PRR36: variants seen among roughly 807,000 people sequenced by gnomAD.
PRR36 encodes proline-rich protein 36.
Under a neutral mutation model 58.6 loss-of-function variants are expected in PRR36, and 30 were observed. The ratio of observed to expected loss-of-function variants is 0.51; its 90% CI spans 0.38 to 0.69. The LOEUF is 0.69. Among genes scored for constraint, PRR36 ranks in the 30% least tolerant of loss-of-function variants. PRR36 has a pLI of 0.00. For synonymous variants in PRR36, 771 were observed against 829.3 expected, an observed-to-expected ratio of 0.93 and a Z score of 1.21; for missense variants, 1,692 against 1,805.6, an observed-to-expected ratio of 0.94 and a Z score of 1.14.
chr19:7,872,873 C>A lies in PRR36; in HGVS notation c.463G>T (p.Ala155Ser), dbSNP rs1380273320. 4.6e-6 allele frequency: 7 copies of A among 1,535,946 alleles called. No individual in the cohort carries two copies. In the Admixed American group the frequency reaches 1.2e-4, roughly 26 times the overall value. Residue 155 changes from alanine (A) to serine (S), a missense_variant, in exon 4 of 6, where the codon GCC (alanine) becomes TCC (serine). By Grantham distance (99) the Ala-to-Ser change is moderately conservative. Coordinates refer to ENST00000618550, the MANE Select transcript of PRR36 (RefSeq NM_001190467.2). This position sits in a 1 kb window ranked among gnomAD's most constrained non-coding sequence, Gnocchi z 6.1. Reference protein sequence around the residue: ...GKATEAPKRSALSAGARRDTS... With the variant: ...GKATEAPKRSSLSAGARRDTS... ...CCTCTCCGTGCCCCAGCGCTGAGGG[C>A]ACTCCTTTTGGGAGCCTCTGTAGCT...
At position 7,869,110 on chromosome 19, in the gene PRR36, C is replaced by T. The variant is rs568374009; in HGVS notation, c.3964G>A (p.Val1322Ile). Residue 1322 changes from valine (V) to isoleucine (I), a missense_variant, in exon 6 of 6, where the codon GTC becomes ATC. Around this residue, in one of 5 missense-constraint regions of PRR36, gnomAD observed 485 missense variants for 549.2 expected, o/e 0.88. Coordinates refer to ENST00000618550, the MANE Select transcript of PRR36 (RefSeq NM_001190467.2). The stretch of plus-strand genomic sequence containing the variant: ...ACGTCGTCCGGAGAGAAGCTGGTGA[C>T]CGAGGTGATGCTGGCACGGGACTCG... Reference protein sequence around the residue: ...LDESRASITSVTSFSPDDVAS... With the variant: ...LDESRASITSITSFSPDDVAS... The T allele has an allele frequency of 1.4e-5, 21 of 1,534,924 alleles. 1 individual carries two copies. The South Asian group carries it at 2.3e-4, about 17-fold the overall frequency.
chr19:7,872,385 G>C lies in PRR36; in HGVS notation c.859C>G (p.Pro287Ala). The change falls in exon 5 of 6, where the codon CCC (proline) becomes GCC (alanine). Residue 287 changes from proline to alanine, a missense_variant. This residue lies in a region of PRR36 where 975 missense variants were observed against 955.2 expected (regional missense o/e 1.02). Coordinates refer to ENST00000618550, the MANE Select transcript of PRR36 (RefSeq NM_001190467.2). The surrounding 1 kb of genome is among the most constrained non-coding windows in gnomAD (Gnocchi z 6.1). ...LQALRPPQVT[P>A]PRKDAAPALG... The stretch of plus-strand genomic sequence containing the variant: ...GCTGGGGCTGCGTCCTTCCTTGGGG[G>C]TGTGACCTGAGGGGGTCGCAGAGCC... The C allele has an allele frequency of 6.9e-7, 1 of 1,451,332 alleles. No homozygotes were observed. Among genetic ancestry groups the C allele is most frequent in the Non-Finnish European group, 9.0e-7 (1 of 1,108,038 alleles). The allele number at this position is 1,451,332 out of a possible 1,614,324, so 89.9% of individuals were successfully genotyped here.
At position 7,873,589 on chromosome 19, in the gene PRR36, C is replaced by T. The variant is rs984499479; in HGVS notation, c.101G>A (p.Arg34Gln). The T allele has an allele frequency of 6.5e-6, 10 of 1,534,834 alleles. No individual in the cohort carries two copies. Among genetic ancestry groups the T allele is most frequent in the Non-Finnish European group, 8.7e-6 (10 of 1,146,646 alleles). The change falls in exon 2 of 6, where the codon CGA becomes CAA. Residue 34 changes from arginine (R) to glutamine (Q), a missense_variant. Arg to Gln is a conservative substitution (Grantham distance 43). Transcript: ENST00000618550. This position sits in a 1 kb window ranked among gnomAD's most constrained non-coding sequence, Gnocchi z 5.0. ...LLTPRPPGSPRPPPPVTPAAL... is the reference protein window; with the variant it reads ...LLTPRPPGSPQPPPPVTPAAL... ...TGCGGGAGTTACTGGGGGAGGGGGT[C>T]GAGGAGAGCCTGGGGGCCTGGGGGT...
Position 7,869,135 on chromosome 19 carries a change from G to C in PRR36, c.3939C>G (p.Asp1313Glu). Residue 1313 changes from aspartate (D) to glutamate (E), a missense_variant, in exon 6 of 6, where the codon GAC becomes GAG. Physicochemically the swap from Asp to Glu is conservative, Grantham distance 45. Coordinates refer to ENST00000618550, the MANE Select transcript of PRR36 (RefSeq NM_001190467.2). ...CCGAGGTGATGCTGGCACGGGACTC[G>C]TCCAGGGGAGACAGTAGTTCGGCCC... ...GRWAELLSPL[D>E]ESRASITSVT... 6.5e-7 allele frequency: 1 copy of C among 1,535,424 alleles called. No homozygotes were observed.
At position 7,873,175 on chromosome 19, in the gene PRR36, TGG is replaced by T. The variant is rs1568253285; in HGVS notation, c.374+20_374+21del. ...TGACGCTAACCCTGGCTTAGGAGAC[TGG>T]GGGAGAGGGAGCAGGTTACCTGGTG... On this transcript the variant is annotated intron_variant, in intron 3 of 5. Transcript: ENST00000618550. The surrounding 1 kb of genome is among the most constrained non-coding windows in gnomAD (Gnocchi z 5.0). 1 of 1,531,420 alleles carries T rather than the reference TGG, an allele frequency of 6.5e-7. No homozygotes were observed. Among genetic ancestry groups the T allele is most frequent in the Non-Finnish European group, 8.8e-7 (1 of 1,142,652 alleles). The allele number at this position is 1,531,420 out of a possible 1,614,324, so 94.9% of individuals were successfully genotyped here. A position where few individuals can be genotyped will look rare whatever the true frequency, so the allele number is the denominator to read the frequency against.
In PRR36 at chr19:7,869,082, G is replaced by T; in HGVS notation, c.3992C>A (p.Ala1331Asp). 6.5e-7 allele frequency: 1 copy of T among 1,534,316 alleles called. No homozygotes were observed. Among genetic ancestry groups the T allele is most frequent in the Non-Finnish European group, 8.7e-7 (1 of 1,146,248 alleles). ...SVTSFSPDDV[A>D]SPQGDWTVVE... ...CACGGTCCAGTCACCCTGCGGGGAG[G>T]CCACGTCGTCCGGAGAGAAGCTGGT... The change falls in exon 6 of 6, where the codon GCC becomes GAC. Residue 1331 changes from alanine to aspartate, a missense_variant. By Grantham distance (126) the Ala-to-Asp change is moderately radical (BLOSUM62 -2). This residue lies in a region of PRR36 where 485 missense variants were observed against 549.2 expected (regional missense o/e 0.88). Transcript: ENST00000618550.
Position 7,869,058 on chromosome 19 carries a change from A to G in PRR36, c.4016T>C (p.Val1339Ala). ...DVASPQGDWT[V>A]VEVETFH Reference sequence around the variant, plus strand: ...TCAGTGGAAGGTCTCCACCTCCACCACGGTCCAGTCACCCTGCGGGGAGGC... The same window carrying G: ...TCAGTGGAAGGTCTCCACCTCCACCGCGGTCCAGTCACCCTGCGGGGAGGC... Residue 1339 changes from valine to alanine, a missense_variant, in exon 6 of 6, where the codon GTG becomes GCG. Physicochemically the swap from Val to Ala is moderately conservative, Grantham distance 64. Around this residue, in one of 5 missense-constraint regions of PRR36, gnomAD observed 485 missense variants for 549.2 expected, o/e 0.88. Transcript: ENST00000618550. 2 of 1,531,870 alleles carry G rather than the reference A, an allele frequency of 1.3e-6. No individual in the cohort carries two copies. Among genetic ancestry groups the G allele is most frequent in the Non-Finnish European group, 1.7e-6 (2 of 1,145,038 alleles). 94.9% of individuals were successfully genotyped at this position (1,531,870 alleles called of 1,614,324 possible).
In PRR36 at chr19:7,871,706, T is replaced by C. The variant is rs934693605; in HGVS notation, c.1538A>G (p.His513Arg). The C allele has an allele frequency of 1.3e-5, 20 of 1,530,962 alleles. No homozygotes were observed. The Admixed American group carries it at 3.6e-4, about 27-fold the overall frequency. The allele number at this position is 1,530,962 out of a possible 1,614,324, so 94.8% of individuals were successfully genotyped here. A position where few individuals can be genotyped will look rare whatever the true frequency, so the allele number is the denominator to read the frequency against. The change falls in exon 5 of 6, where the codon CAC becomes CGC. Residue 513 changes from histidine (H) to arginine (R), a missense_variant. Transcript: ENST00000618550. The stretch of plus-strand genomic sequence containing the variant: ...CTGCAGAGGAAGAGTGGCCAGAGTG[T>C]GGGGCGTGGCCTGGAGAGAGGGCGG... ...PSPPSLQATP[H>R]TLATLPLQDS...
rs1233818371 is a variant in PRR36 at position 7,870,535 on chromosome 19, G to T, written c.2709C>A (p.Ala903=). The T allele has an allele frequency of 1.6e-6, 1 of 640,732 alleles. No homozygotes were observed. The highest frequency in any genetic ancestry group is 5.9e-5 in the Admixed American group (1 of 16,976). 39.7% of individuals were successfully genotyped at this position (640,732 alleles called of 1,614,324 possible). A position where few individuals can be genotyped will look rare whatever the true frequency, so the allele number is the denominator to read the frequency against. ...PPVQAPFSPP[A]SPPVSPSATP... ...TGGCCGAAGGAGACACTGGGGGTGA[G>T]GCAGGGGGAGAGAAAGGGGCCTGCA... Residue 903 remains alanine, a synonymous_variant, in exon 5 of 6, where the codon GCC becomes GCA. Transcript: ENST00000618550.
chr19:7,869,230 C>T lies in PRR36; in HGVS notation c.3844G>A (p.Gly1282Arg), dbSNP rs1980251405. 1 of 1,501,456 alleles carries T rather than the reference C, an allele frequency of 6.7e-7. No homozygotes were observed. Among genetic ancestry groups the T allele is most frequent in the Non-Finnish European group, 8.8e-7 (1 of 1,132,358 alleles). The allele number at this position is 1,501,456 out of a possible 1,614,324, so 93.0% of individuals were successfully genotyped here. ...GAAGGSGGGP[G>R]GAEGGGVTGG... ...GTGACGCCACCACCCTCCGCACCTCCTGGGCCCCCGCCGCTGCCGCCCGCG... is the reference window on the plus strand; with the variant it reads ...GTGACGCCACCACCCTCCGCACCTCTTGGGCCCCCGCCGCTGCCGCCCGCG... The change falls in exon 6 of 6, where the codon GGA (glycine) becomes AGA (arginine). Residue 1282 changes from glycine to arginine, a missense_variant. Gly to Arg is a moderately radical substitution (Grantham distance 125). This residue lies in a region of PRR36 where 485 missense variants were observed against 549.2 expected (regional missense o/e 0.88). Transcript: ENST00000618550.
chr19:7,873,844 A>C lies in PRR36; in HGVS notation c.-7-148T>G. On this transcript the variant is annotated intron_variant, in intron 1 of 5. Coordinates refer to ENST00000618550, the MANE Select transcript of PRR36 (RefSeq NM_001190467.2). The surrounding 1 kb of genome is among the most constrained non-coding windows in gnomAD (Gnocchi z 5.0). ...CTCGGCTTCCATCCGCTCGGCTCCC[A>C]CGCACCTACACCCACTCGCCAGCCC... 7.8e-6 allele frequency: 5 copies of C among 643,416 alleles called. No homozygotes were observed. Among genetic ancestry groups the C allele is most frequent in the South Asian group, 6.5e-5 (3 of 46,186 alleles). The allele number at this position is 643,416 out of a possible 1,614,324, so 39.9% of individuals were successfully genotyped here.
In PRR36 at chr19:7,872,561, G is replaced by C; in HGVS notation, c.683C>G (p.Pro228Arg). ...CCTCTGGAGACCCCCACCGGCGCTG[G>C]GCCGCCTCCTGGCAGCCGGGCTTGG... ...TEPSPAARRR[P>R]SAGGGLQRPA... Residue 228 changes from proline (P) to arginine (R), a missense_variant, in exon 5 of 6, where the codon CCC (proline) becomes CGC (arginine). Coordinates refer to ENST00000618550, the MANE Select transcript of PRR36 (RefSeq NM_001190467.2). This position sits in a 1 kb window ranked among gnomAD's most constrained non-coding sequence, Gnocchi z 6.1. The C allele has an allele frequency of 6.6e-7, 1 of 1,523,954 alleles. No homozygotes were observed. The highest frequency in any genetic ancestry group is 2.5e-5 in the East Asian group (1 of 40,048). 94.4% of individuals were successfully genotyped at this position (1,523,954 alleles called of 1,614,324 possible).
rs559517732 is a variant in PRR36, at chr19:7,872,399, G to A, written c.845C>T (p.Pro282Leu). 5.6e-4 allele frequency: 812 copies of A among 1,449,516 alleles called. 2 individuals carry two copies. The African/African-American group carries it at 0.011, about 19-fold the overall frequency. The allele number at this position is 1,449,516 out of a possible 1,614,324, so 89.8% of individuals were successfully genotyped here. The change falls in exon 5 of 6, where the codon CCC becomes CTC. Residue 282 changes from proline to leucine, a missense_variant. By Grantham distance (98) the Pro-to-Leu change is moderately conservative. Coordinates refer to ENST00000618550, the MANE Select transcript of PRR36 (RefSeq NM_001190467.2). This position sits in a 1 kb window ranked among gnomAD's most constrained non-coding sequence, Gnocchi z 6.1. The part of the protein sequence containing the change: ...PKPKGLQALR[P>L]PQVTPPRKDA... ...CTTCCTTGGGGGTGTGACCTGAGGG[G>A]GTCGCAGAGCCTGCAGTCCTTTCGG... is the stretch of plus-strand genomic sequence containing the variant.
At position 7,871,962 on chromosome 19, in the gene PRR36, A is replaced by G. The variant is rs1194902545; in HGVS notation, c.1282T>C (p.Ser428Pro). ...AFVASVSPSV[S>P]SPLQSMPPTQ... ...GGGGGCATACTCTGCAGAGGGGATG[A>G]AACTGATGGAGAGACTGAAGCCACA... The change falls in exon 5 of 6, where the codon TCA (serine) becomes CCA (proline). Residue 428 changes from serine (S) to proline (P), a missense_variant. This residue lies in a region of PRR36 where 975 missense variants were observed against 955.2 expected (regional missense o/e 1.02). Transcript: ENST00000618550. The G allele has an allele frequency of 6.5e-7, 1 of 1,535,628 alleles. No individual in the cohort carries two copies. The highest frequency in any genetic ancestry group is 2.4e-5 in the East Asian group (1 of 40,924).
Position 7,873,753 on chromosome 19 carries a change from G to C in PRR36, c.-7-57C>G. On this transcript the variant is annotated intron_variant, in intron 1 of 5. Coordinates refer to ENST00000618550, the MANE Select transcript of PRR36 (RefSeq NM_001190467.2). This position sits in a 1 kb window ranked among gnomAD's most constrained non-coding sequence, Gnocchi z 5.0. ...TCTGGACAGCTACGCCGCCTCCAGA[G>C]ACCTGGACCCTGCTACCTCACTGCC... 6.8e-7 allele frequency: 1 copy of C among 1,466,620 alleles called. No homozygotes were observed. Among genetic ancestry groups the C allele is most frequent in the South Asian group, 1.3e-5 (1 of 78,370 alleles). The allele number at this position is 1,466,620 out of a possible 1,614,324, so 90.9% of individuals were successfully genotyped here. A position where few individuals can be genotyped will look rare whatever the true frequency, so the allele number is the denominator to read the frequency against.
At position 7,872,211 on chromosome 19, in the gene PRR36, G is replaced by A; in HGVS notation, c.1033C>T (p.Leu345Phe). The change falls in exon 5 of 6, where the codon CTC (leucine) becomes TTC (phenylalanine). Residue 345 changes from leucine to phenylalanine, a missense_variant. Coordinates refer to ENST00000618550, the MANE Select transcript of PRR36 (RefSeq NM_001190467.2). This position sits in a 1 kb window ranked among gnomAD's most constrained non-coding sequence, Gnocchi z 6.1. The stretch of plus-strand genomic sequence containing the variant: ...AGGGTGGGCGGGGCCTGACTTTGGA[G>A]AGCGGCTGGCGGAGGGGGCGTTACC... Reference protein sequence around the residue: ...PPVTPPPPAALQSQAPPTLPA... With the variant: ...PPVTPPPPAAFQSQAPPTLPA... The A allele has an allele frequency of 6.9e-7, 1 of 1,459,008 alleles. No homozygotes were observed. The highest frequency in any genetic ancestry group is 9.0e-7 in the Non-Finnish European group (1 of 1,110,134). 90.4% of individuals were successfully genotyped at this position (1,459,008 alleles called of 1,614,324 possible). A position where few individuals can be genotyped will look rare whatever the true frequency, so the allele number is the denominator to read the frequency against.
chr19:7,870,002 G>A lies in PRR36; in HGVS notation c.3242C>T (p.Pro1081Leu), dbSNP rs1190142199. ...SPTLQAPRRP[P>L]TPGPDTSVSG... ...GACGGAGGTATCCGGACCCGGGGTC[G>A]GGGGGCGGCGTGGGGCCTGCAGGGT... Residue 1081 changes from proline (P) to leucine (L), a missense_variant, in exon 5 of 6, where the codon CCG (proline) becomes CTG (leucine). Physicochemically the swap from Pro to Leu is moderately conservative, Grantham distance 98. This residue lies in a region of PRR36 where 485 missense variants were observed against 549.2 expected (regional missense o/e 0.88). Transcript: ENST00000618550. 1 of 1,405,662 alleles carries A rather than the reference G, an allele frequency of 7.1e-7. No homozygotes were observed. Among genetic ancestry groups the A allele is most frequent in the East Asian group, 2.9e-5 (1 of 34,460 alleles). The allele number at this position is 1,405,662 out of a possible 1,614,324, so 87.1% of individuals were successfully genotyped here. A position where few individuals can be genotyped will look rare whatever the true frequency, so the allele number is the denominator to read the frequency against.
In PRR36 at chr19:7,870,711, G is replaced by C; in HGVS notation, c.2533C>G (p.Pro845Ala). The C allele has an allele frequency of 7.2e-7, 1 of 1,383,662 alleles. No individual in the cohort carries two copies. Among genetic ancestry groups the C allele is most frequent in the Non-Finnish European group, 9.3e-7 (1 of 1,070,906 alleles). The allele number at this position is 1,383,662 out of a possible 1,614,324, so 85.7% of individuals were successfully genotyped here. The change falls in exon 5 of 6, where the codon CCT becomes GCT. Residue 845 changes from proline to alanine, a missense_variant. Pro to Ala is a conservative substitution (Grantham distance 27). Around this residue, in one of 5 missense-constraint regions of PRR36, gnomAD observed 171 missense variants for 146.2 expected, o/e 1.17. Coordinates refer to ENST00000618550, the MANE Select transcript of PRR36 (RefSeq NM_001190467.2). ...TGCAGAGGAGGCAAGGCCAGGGCAGGTGGGGCCTGTGGAGGGGGCGTGGCC... is the reference window on the plus strand; with the variant it reads ...TGCAGAGGAGGCAAGGCCAGGGCAGCTGGGGCCTGTGGAGGGGGCGTGGCC... The part of the protein sequence containing the change: ...PLATPPPQAP[P>A]ALALPPLQAP...
chr19:7,869,468 C>A lies in PRR36; in HGVS notation c.3606G>T (p.Gly1202=). The change falls in exon 6 of 6, where the codon GGG becomes GGT. Residue 1202 remains glycine (G), a synonymous_variant. Coordinates refer to ENST00000618550, the MANE Select transcript of PRR36 (RefSeq NM_001190467.2). ...CAGGGGCGGGGGTCGCCGACTCGGGCCCTTCAGTCTCGTAGATGGTGCACA... is the reference window on the plus strand; with the variant it reads ...CAGGGGCGGGGGTCGCCGACTCGGGACCTTCAGTCTCGTAGATGGTGCACA... The part of the protein sequence containing the change: ...DGLCTIYETE[G]PESATPAPGA... 2 of 1,505,702 alleles carry A rather than the reference C, an allele frequency of 1.3e-6. No individual in the cohort carries two copies. Among genetic ancestry groups the A allele is most frequent in the Non-Finnish European group, 1.8e-6 (2 of 1,133,924 alleles). 93.3% of individuals were successfully genotyped at this position (1,505,702 alleles called of 1,614,324 possible). A position where few individuals can be genotyped will look rare whatever the true frequency, so the allele number is the denominator to read the frequency against.
Sources: allele counts gnomAD v4.1 joint callset, GRCh38; gene constraint gnomAD v4.1.1; regional missense constraint gnomAD v4.1.1; non-coding constraint Gnocchi (gnomAD v3.1); transcripts MANE v1.5; gene names NCBI Gene and HGNC (gene_info 2026-07-23, HGNC 2026-07-21).